Variants in SLC12A6 observed in about 807,000 individuals in gnomAD.
SLC12A6 encodes K-Cl cotransporter 3.
In SLC12A6, 66 loss-of-function variants were observed where a neutral mutation model predicts 135.3. The observed-to-expected ratio is 0.49, with a 90% confidence interval of 0.40 to 0.60. The LOEUF is 0.60. Among genes scored for constraint, SLC12A6 ranks in the 20% least tolerant of loss-of-function variants. The probability of loss-of-function intolerance (pLI) is 0.00; values close to 1 mark genes in which losing one functional copy is unlikely to be tolerated. For synonymous variants in SLC12A6, 513 were observed against 508.8 expected, an observed-to-expected ratio of 1.01 and a Z score of -0.11; for missense variants, 1,058 against 1,452.3, an observed-to-expected ratio of 0.73 and a Z score of 4.41.
At chr15:34,334,614 C>T (rs1890080324) in intron 2 of SLC12A6, among the ~76,000 whole-genome samples, 1 of 152,006 alleles carries the variant, frequency 6.6e-6, no homozygotes, top group Non-Finnish European at 1.5e-5. Context: ...TATAAAGTTC[C>T]ACGAGAATAG....
At chr15:34,277,462 T>G (rs947917642) in intron 2 of SLC12A6, among the ~76,000 whole-genome samples, 6 of 151,986 alleles carry the variant, frequency 3.9e-5, no homozygotes, top group African/African-American at 1.5e-4. Context: ...TATATATATA[T>G]TCTTGCACAT....
chr15:34,252,798 A>C (rs928535224), intron 9 of SLC12A6, among the ~76,000 whole-genome samples: 15 of 152,242 alleles, frequency 9.9e-5, no homozygotes, highest in African/African-American at 3.6e-4. Flanking sequence ...TTAGGTCTAA[A>C]AGAATACTGA....
intron 2 of SLC12A6, among the ~76,000 whole-genome samples, chr15:34,316,909 G>A (rs1009415625): frequency 2.1e-4 from 32 of 152,144 alleles, no homozygotes; most frequent in Admixed American, 1.3e-3. Context: ...TGAAATTAAC[G>A]AAGACAACAG....
intron 2 of SLC12A6, among the ~76,000 whole-genome samples, chr15:34,302,724 G>T (rs1329311176): frequency 2.0e-5 from 3 of 151,984 alleles, no homozygotes; most frequent in Admixed American, 1.3e-4. Context: ...GTGGAGGTGG[G>T]ATGATTGCTT....
Position 34,261,034 on chromosome 15 carries a change from A to G in SLC12A6, c.317-14T>C, listed in dbSNP as rs571797608. The G allele has an allele frequency of 1.1e-4, 148 of 1,322,010 alleles. 2 individuals carry two copies. The South Asian group carries it at 1.7e-3, about 15-fold the overall frequency. The allele number at this position is 1,322,010 out of a possible 1,614,324, so 81.9% of individuals were successfully genotyped here. A position where few individuals can be genotyped will look rare whatever the true frequency, so the allele number is the denominator to read the frequency against. On this transcript the variant is annotated splice_polypyrimidine_tract_variant and intron_variant, in intron 3 of 25. Coordinates refer to ENST00000354181, the MANE Select transcript of SLC12A6 (RefSeq NM_001365088.1). ...TATGTCCGTCGTCTGGAAAAAAAAA[A>G]GTAGACCAAGTTAGTTTCTCACTGG... is the stretch of plus-strand genomic sequence containing the variant.
intron 21 of SLC12A6, among the ~76,000 whole-genome samples, 174 bp downstream of exon 21, chr15:34,238,058 A>G (rs959351087): frequency 6.6e-6 from 1 of 152,238 alleles, no homozygotes; most frequent in East Asian, 1.9e-4. Flanking sequence ...TATCAAATAC[A>G]AAGACAATGA....
intron 2 of SLC12A6, among the ~76,000 whole-genome samples, chr15:34,305,621 T>TA (rs968695495): frequency 9.2e-5 from 14 of 151,854 alleles, no homozygotes; most frequent in Non-Finnish European, 1.8e-4. Context: ...GAGATAGTTT[T>TA]AAAAAAAATA....
In SLC12A6 at chr15:34,238,541, G is replaced by T. The variant is rs368985019; in HGVS notation, c.2633-140C>A. The T allele has an allele frequency of 4.2e-6, 3 of 714,084 alleles. No individual in the cohort carries two copies. The East Asian group carries it at 8.1e-5, about 19-fold the overall frequency. 44.2% of individuals were successfully genotyped at this position (714,084 alleles called of 1,614,324 possible). A position where few individuals can be genotyped will look rare whatever the true frequency, so the allele number is the denominator to read the frequency against. On this transcript the variant is annotated intron_variant, in intron 20 of 25. Coordinates refer to ENST00000354181, the MANE Select transcript of SLC12A6 (RefSeq NM_001365088.1). ...TACTTAGTAGGTTATTTCTCATTAC[G>T]TATCAAAAACCATTGTGAAAAATCT...
chr15:34,232,807 A>G lies in SLC12A6; in HGVS notation c.*1074T>C, dbSNP rs1783549792. 1 of 152,578 alleles carries G rather than the reference A, an allele frequency of 6.6e-6. No individual in the cohort carries two copies. The highest frequency in any genetic ancestry group is 2.1e-4 in the South Asian group (1 of 4,828). The allele number at this position is 152,578 out of a possible 1,614,324, so 9.5% of individuals were successfully genotyped here. A position where few individuals can be genotyped will look rare whatever the true frequency, so the allele number is the denominator to read the frequency against. ...CCGCTCAGTAACGTTGGCACTAAAG[A>G]AAGAGTGTGGCTCTAGAACTTCCAA... On this transcript the variant is annotated 3_prime_UTR_variant, in exon 26 of 26. Coordinates refer to ENST00000354181, the MANE Select transcript of SLC12A6 (RefSeq NM_001365088.1).
At chr15:34,250,878 T>C (rs750045382) in intron 11 of SLC12A6, 21 bp downstream of exon 11, 22 of 1,599,250 alleles carry the variant, frequency 1.4e-5, no homozygotes, top group African/African-American at 2.7e-5. Flanking sequence ...TTCTAAAATA[T>C]ACAACAGCCT....
intron 2 of SLC12A6, among the ~76,000 whole-genome samples, chr15:34,335,528 A>T (rs1386213892): frequency 1.3e-5 from 2 of 152,242 alleles, no homozygotes; most frequent in Non-Finnish European, 2.9e-5. Context: ...GTTACAACAC[A>T]GCATAAAACT....
At chr15:34,328,480 C>T (rs1044817509) in intron 2 of SLC12A6, among the ~76,000 whole-genome samples, 3 of 152,210 alleles carry the variant, frequency 2.0e-5, no homozygotes, top group African/African-American at 7.2e-5. Context: ...TCCTACTCAT[C>T]AGGTACTGAA....
chr15:34,237,555 G>C lies in SLC12A6; in HGVS notation c.2803-5C>G. On this transcript the variant is annotated splice_polypyrimidine_tract_variant and splice_region_variant and intron_variant, in intron 21 of 25. Transcript: ENST00000354181. ...TATGCTGCACTTTCGCCACACCTGA[G>C]AGAGTGACATACACATGTGAAAAAT... 1 of 1,610,866 alleles carries C rather than the reference G, an allele frequency of 6.2e-7. No homozygotes were observed. The highest frequency in any genetic ancestry group is 8.5e-7 in the Non-Finnish European group (1 of 1,177,640).
At chr15:34,331,625 A>G (rs1027568573) in intron 2 of SLC12A6, among the ~76,000 whole-genome samples, 1 of 152,246 alleles carries the variant, frequency 6.6e-6, no homozygotes, top group Non-Finnish European at 1.5e-5. Context: ...GTGATATCAC[A>G]TATTACACTA....
At chr15:34,240,854 GA>G (rs756646580) in intron 18 of SLC12A6, 25 bp from the exon 19 acceptor site, 1 of 1,593,306 alleles carries the variant, frequency 6.3e-7, no homozygotes, top group East Asian at 2.3e-5. Flanking sequence ...GTGGGGGTTG[GA>G]GGGGAGGAGA....
intron 13 of SLC12A6, among the ~76,000 whole-genome samples, chr15:34,249,396 C>CA (rs539764844): frequency 2.0e-5 from 3 of 151,592 alleles, no homozygotes; most frequent in South Asian, 2.1e-4. Context: ...CCCATCTTTA[C>CA]AAAAAAAATT....
At chr15:34,277,259 C>G (rs148748642) in intron 2 of SLC12A6, among the ~76,000 whole-genome samples, 1 of 152,006 alleles carries the variant, frequency 6.6e-6, no homozygotes, top group African/African-American at 2.4e-5. Flanking sequence ...ATAGTGAGAC[C>G]GCATCTCTAT....
In SLC12A6 at chr15:34,230,050, C is replaced by T. The variant is rs1022620158; in HGVS notation, c.*3831G>A. The T allele has an allele frequency of 2.2e-6, 1 of 447,208 alleles. No individual in the cohort carries two copies. The highest frequency in any genetic ancestry group is 4.0e-5 in the Admixed American group (1 of 24,960). 27.7% of individuals were successfully genotyped at this position (447,208 alleles called of 1,614,324 possible). ...TTTCCAGTACAGAGCAAAACAACAA[C>T]AAAAAAACATAACTATGTAAACAAG... On this transcript the variant is annotated 3_prime_UTR_variant, in exon 26 of 26. Coordinates refer to ENST00000354181, the MANE Select transcript of SLC12A6 (RefSeq NM_001365088.1).
chr15:34,329,551 C>A (rs104017), intron 2 of SLC12A6, among the ~76,000 whole-genome samples: 1 of 151,552 alleles, frequency 6.6e-6, no homozygotes, highest in Non-Finnish European at 1.5e-5. Flanking sequence ...CCACTGAGAA[C>A]AAAAGAATTT....
Sources: allele counts gnomAD v4.1 joint callset (sites outside exome capture counted in the v4.1 genomes callset), GRCh38; gene constraint gnomAD v4.1.1; transcripts MANE v1.5; gene names NCBI Gene and HGNC (gene_info 2026-07-23, HGNC 2026-07-21).